SRPK2: variants seen among roughly 807,000 people sequenced by gnomAD.
SRPK2 encodes SFRS protein kinase 2.
Under a neutral mutation model 90.8 loss-of-function variants are expected in SRPK2, and 21 were observed. That is an observed-to-expected ratio of 0.23 (90% CI 0.16 to 0.33). SRPK2 has a LOEUF of 0.33. SRPK2 is among the 10% of genes least tolerant of loss of function. The pLI, the probability that SRPK2 is intolerant of heterozygous loss-of-function variation, is 1.00. For synonymous variants in SRPK2, 288 were observed against 311.1 expected, an observed-to-expected ratio of 0.93 and a Z score of 0.78; for missense variants, 620 against 869.0, an observed-to-expected ratio of 0.71 and a Z score of 3.60.
intron 2 of SRPK2, among the ~76,000 whole-genome samples, chr7:105,291,459 T>G (rs1386453561): frequency 6.6e-6 from 1 of 152,188 alleles, no homozygotes; most frequent in Non-Finnish European, 1.5e-5. Flanking sequence ...CTGGGCACAG[T>G]GGCTCACACC....
upstream of SRPK2, among the ~76,000 whole-genome samples, chr7:105,391,686 G>A (rs1822187377): frequency 6.6e-6 from 1 of 152,016 alleles, no homozygotes; most frequent in African/African-American, 2.4e-5. Flanking sequence ...AAAAAAAAAT[G>A]TTAATGGAAA....
At chr7:105,143,007 C>A (rs1033935611) in intron 10 of SRPK2, 77 bp downstream of exon 10, 7 of 1,536,272 alleles carry the variant, frequency 4.6e-6, no homozygotes, top group Middle Eastern at 1.7e-4. Context: ...ACAAATCAGC[C>A]CCCATGTTGA....
chr7:105,327,662 T>C lies in SRPK2; in HGVS notation c.71+60986A>G, dbSNP rs1813747162. ...GAAGGGTGAGGCCCACATGTCCTGG[T>C]TTATTACTACATCCCCAGGGCCTAG... On this transcript the variant is annotated intron_variant, in intron 2 of 15. Coordinates refer to ENST00000393651, the MANE Select transcript of SRPK2 (RefSeq NM_182692.3). 2.0e-5 allele frequency among the ~76,000 whole-genome samples: 3 copies of C among 152,312 alleles called. No individual in the cohort carries two copies. The South Asian group carries it at 6.2e-4, about 32-fold the overall frequency.
rs1799775560 is a variant in SRPK2 at position 105,117,811 on chromosome 7, C to T, written c.*27G>A. ...CCAATGTACTGGGAACATTTGCTAG[C>T]TCAGAATGCAATATTGGTAGAATTT... is the stretch of plus-strand genomic sequence containing the variant. On this transcript the variant is annotated 3_prime_UTR_variant, in exon 16 of 16. Coordinates refer to ENST00000393651, the MANE Select transcript of SRPK2 (RefSeq NM_182692.3). 1 of 1,610,864 alleles carries T rather than the reference C, an allele frequency of 6.2e-7. No individual in the cohort carries two copies. Among genetic ancestry groups the T allele is most frequent in the African/African-American group, 1.3e-5 (1 of 74,814 alleles).
intron 15 of SRPK2, among the ~76,000 whole-genome samples, chr7:105,123,337 A>ACACACAGACCC (rs1238272593): frequency 1.3e-5 from 2 of 152,126 alleles, no homozygotes; most frequent in Non-Finnish European, 2.9e-5. Flanking sequence ...TTCAACCTTA[A>ACACACAGACCC]CACACAGACC....
chr7:105,160,547 T>C lies in SRPK2; in HGVS notation c.581A>G (p.Gln194Arg), dbSNP rs781435939. Reference sequence around the variant, plus strand: ...CTTCACACAACGTACTGGGAGGCCTTGATAGTTGGATTTGATGATCCACTT... The same window carrying C: ...CTTCACACAACGTACTGGGAGGCCTCGATAGTTGGATTTGATGATCCACTT... ...LLKWIIKSNY[Q>R]GLPVRCVKSI... The change falls in exon 7 of 16, where the codon CAA (glutamine) becomes CGA (arginine). Residue 194 changes from glutamine to arginine, a missense_variant. Physicochemically the swap from Gln to Arg is conservative, Grantham distance 43. This residue lies in a region of SRPK2 where 196 missense variants were observed against 339.2 expected (regional missense o/e 0.58). Coordinates refer to ENST00000393651, the MANE Select transcript of SRPK2 (RefSeq NM_182692.3). 1.9e-6 allele frequency: 3 copies of C among 1,613,868 alleles called. No homozygotes were observed. Among genetic ancestry groups the C allele is most frequent in the African/African-American group, 1.3e-5 (1 of 75,044 alleles).
intron 2 of SRPK2, chr7:105,244,722 C>A: frequency 8.6e-7 from 1 of 1,162,096 alleles, no homozygotes. Context: ...GTGAGCGAGC[C>A]CAGGCACAGC....
At chr7:105,133,530 C>T (rs773140954) in intron 11 of SRPK2, among the ~76,000 whole-genome samples, 3 of 152,086 alleles carry the variant, frequency 2.0e-5, no homozygotes, top group Admixed American at 6.6e-5. Context: ...CTGTGGGGGC[C>T]GATCACTCTC....
chr7:105,243,353 T>A (rs368801798), intron 2 of SRPK2, among the ~76,000 whole-genome samples: 1 of 152,092 alleles, frequency 6.6e-6, no homozygotes, highest in Non-Finnish European at 1.5e-5. Flanking sequence ...CACTTCACAG[T>A]TGAGGAGCCT....
At chr7:105,177,922 G>C (rs199656062) in intron 3 of SRPK2, among the ~76,000 whole-genome samples, 8 of 151,620 alleles carry the variant, frequency 5.3e-5, no homozygotes, top group African/African-American at 1.9e-4. Context: ...CCAGCTACTC[G>C]GGAGGCTGAG....
At chr7:105,219,894 T>G (rs1010149941) in intron 2 of SRPK2, among the ~76,000 whole-genome samples, 2 of 152,040 alleles carry the variant, frequency 1.3e-5, no homozygotes, top group African/African-American at 4.8e-5. Flanking sequence ...AATGTTTCTA[T>G]GTATTAGGAG....
chr7:105,361,249 T>C (rs926244202), intron 2 of SRPK2, among the ~76,000 whole-genome samples: 1 of 152,054 alleles, frequency 6.6e-6, no homozygotes, highest in Non-Finnish European at 1.5e-5. Flanking sequence ...ATACAATACC[T>C]AGGAATCCAA....
rs1413111107 is a variant in SRPK2 at position 105,388,864 on chromosome 7, G to A, written c.-58C>T. 4 of 1,306,942 alleles carry A rather than the reference G, an allele frequency of 3.1e-6. No homozygotes were observed. The highest frequency in any genetic ancestry group is 2.2e-5 in the South Asian group (1 of 46,004). The allele number at this position is 1,306,942 out of a possible 1,614,324, so 81.0% of individuals were successfully genotyped here. A position where few individuals can be genotyped will look rare whatever the true frequency, so the allele number is the denominator to read the frequency against. On this transcript the variant is annotated 5_prime_UTR_variant, in exon 1 of 16. Transcript: ENST00000393651. ...GCGACGGCGACGCGGGCGCCGAGAC[G>A]AGCTGGGCTGCAGCCTCCACTCGCT...
At chr7:105,233,119 GGAAGGAAGGAAGGAA>G (rs1799699341) in intron 2 of SRPK2, among the ~76,000 whole-genome samples, 1 of 146,286 alleles carries the variant, frequency 6.8e-6, no homozygotes. Flanking sequence ...AAGGAAGGAA[GGAAGGAAGGAAGGAA>G]GGAAGGAAGG....
intron 2 of SRPK2, among the ~76,000 whole-genome samples, chr7:105,366,514 C>T (rs1443044276): frequency 2.0e-5 from 3 of 151,976 alleles, no homozygotes; most frequent in Non-Finnish European, 4.4e-5. Flanking sequence ...GGACTACAGG[C>T]GTGCACCACC....
At chr7:105,393,435 C>A (rs1822234450), upstream of SRPK2, among the ~76,000 whole-genome samples, 1 of 143,054 alleles carries the variant, frequency 7.0e-6, no homozygotes, top group Admixed American at 7.0e-5. Context: ...TAAGGAGGAG[C>A]TTTTATTTCT....
intron 2 of SRPK2, among the ~76,000 whole-genome samples, chr7:105,383,775 A>C (rs1821228150): frequency 6.6e-6 from 1 of 152,254 alleles, no homozygotes; most frequent in Non-Finnish European, 1.5e-5. Flanking sequence ...GCATATTGAC[A>C]CAACTATTCA....
chr7:105,333,199 CAAACAAAT>C (rs1288710900), intron 2 of SRPK2, among the ~76,000 whole-genome samples: 1 of 151,962 alleles, frequency 6.6e-6, no homozygotes, highest in Non-Finnish European at 1.5e-5. Context: ...ATCAAACAAA[CAAACAAAT>C]AAATAAATAG....
chr7:105,348,378 TTAA>T (rs1391639988), intron 2 of SRPK2, among the ~76,000 whole-genome samples: 1 of 151,582 alleles, frequency 6.6e-6, no homozygotes, highest in East Asian at 1.9e-4. Context: ...GCAGTCAAAC[TTAA>T]TAAGCCACTA....
Sources: gnomAD v4.1 joint callset for allele counts (sites outside exome capture counted in the v4.1 genomes callset) on GRCh38, gnomAD v4.1.1 for gene constraint, gnomAD v4.1.1 regional missense constraint, MANE v1.5 for transcripts, NCBI Gene and HGNC (gene_info 2026-07-23, HGNC 2026-07-21) for gene names.